The following NKAIN1 variants were observed in gnomAD, a reference collection of about 807,000 sequenced individuals.
NKAIN1 encodes sodium/potassium-transporting ATPase subunit beta-1-interacting protein 1.
NKAIN1 carries 13 observed loss-of-function variants against 31.6 expected under a neutral mutation model. The ratio of observed to expected loss-of-function variants is 0.41; its 90% CI spans 0.27 to 0.65. The LOEUF is 0.65. Among genes scored for constraint, NKAIN1 ranks in the 30% least tolerant of loss-of-function variants. The pLI is 0.30. For missense variants in NKAIN1, 193 were observed against 262.2 expected, an observed-to-expected ratio of 0.74 and a Z score of 1.82; for synonymous variants, 104 against 109.0, an observed-to-expected ratio of 0.95 and a Z score of 0.28.
rs146586855 is a variant in NKAIN1, at chr1:31,213,719, G to C, written c.55-25532C>G. Among the ~76,000 whole-genome samples, 28 of 152,310 alleles carry C rather than the reference G, an allele frequency of 1.8e-4. 2 individuals are homozygous for C. Among genetic ancestry groups the C allele is most frequent in the African/African-American group, 6.7e-4 (28 of 41,582 alleles). Reference sequence around the variant, plus strand: ...GATAAAAAATTGCAACACAAGTTGGGTGCAGTGGCTCACACCTGTAATCCC... The same window carrying C: ...GATAAAAAATTGCAACACAAGTTGGCTGCAGTGGCTCACACCTGTAATCCC... On this transcript the variant is annotated intron_variant, in intron 1 of 6. Coordinates refer to ENST00000373736, the MANE Select transcript of NKAIN1 (RefSeq NM_024522.3).
intron 1 of NKAIN1, among the ~76,000 whole-genome samples, chr1:31,236,000 G>T (rs1390367130): frequency 6.6e-6 from 1 of 152,134 alleles, no homozygotes; most frequent in Non-Finnish European, 1.5e-5. Context: ...AGTTTAATGA[G>T]TACTCACTCT....
At chr1:31,234,087 T>G (rs991236604) in intron 1 of NKAIN1, among the ~76,000 whole-genome samples, 2 of 152,208 alleles carry the variant, frequency 1.3e-5, no homozygotes, top group African/African-American at 4.8e-5. Flanking sequence ...TCTACCCTGC[T>G]CCGCCCATCT....
intron 2 of NKAIN1, among the ~76,000 whole-genome samples, chr1:31,186,715 T>C (rs764871206): frequency 5.9e-5 from 9 of 152,164 alleles, no homozygotes; most frequent in Non-Finnish European, 1.0e-4. Context: ...CTCCCTTCCT[T>C]GCTCTATAAA....
intron 5 of NKAIN1, 89 bp from the exon 6 acceptor site, chr1:31,182,030 G>T (rs1372561899): frequency 7.7e-7 from 1 of 1,293,448 alleles, no homozygotes; most frequent in African/African-American, 1.5e-5. Flanking sequence ...TCTGAGGGCA[G>T]GACTCCCACC....
chr1:31,181,604 C>T lies in NKAIN1; in HGVS notation c.*99G>A. 3 of 1,206,126 alleles carry T rather than the reference C, an allele frequency of 2.5e-6. No homozygotes were observed. Among genetic ancestry groups the T allele is most frequent in the South Asian group, 2.1e-5 (1 of 47,518 alleles). The allele number at this position is 1,206,126 out of a possible 1,614,324, so 74.7% of individuals were successfully genotyped here. A position where few individuals can be genotyped will look rare whatever the true frequency, so the allele number is the denominator to read the frequency against. On this transcript the variant is annotated 3_prime_UTR_variant, in exon 7 of 7. Coordinates refer to ENST00000373736, the MANE Select transcript of NKAIN1 (RefSeq NM_024522.3). Reference sequence around the variant, plus strand: ...GGGGTTGGGCACAGGCTGCAGTGAGCGCGCGGGCCACCAGGGGGACACGCC... The same window carrying T: ...GGGGTTGGGCACAGGCTGCAGTGAGTGCGCGGGCCACCAGGGGGACACGCC...
intron 1 of NKAIN1, among the ~76,000 whole-genome samples, chr1:31,213,031 C>T (rs1186157528): frequency 9.6e-6 from 1 of 103,650 alleles, no homozygotes; most frequent in Non-Finnish European, 2.1e-5. Context: ...AAATAAAAAG[C>T]TTTTTCTTTT....
intron 1 of NKAIN1, among the ~76,000 whole-genome samples, chr1:31,194,952 A>G (rs1570455753): frequency 6.7e-6 from 1 of 148,632 alleles, no homozygotes; most frequent in African/African-American, 2.5e-5. Context: ...TTGTATTTTC[A>G]GTAGAGATGG....
chr1:31,239,420 C>T lies in NKAIN1; in HGVS notation c.54+74G>A. 1 of 1,202,166 alleles carries T rather than the reference C, an allele frequency of 8.3e-7. No individual in the cohort carries two copies. The highest frequency in any genetic ancestry group is 1.1e-6 in the Non-Finnish European group (1 of 911,322). The allele number at this position is 1,202,166 out of a possible 1,614,324, so 74.5% of individuals were successfully genotyped here. Reference sequence around the variant, plus strand: ...ACACACACACAGAGACACACGCAACCCCACCCGCACGCCCTGGGACCGCGC... The same window carrying T: ...ACACACACACAGAGACACACGCAACTCCACCCGCACGCCCTGGGACCGCGC... On this transcript the variant is annotated intron_variant, in intron 1 of 6. Transcript: ENST00000373736. The surrounding 1 kb of genome is among the most constrained non-coding windows in gnomAD (Gnocchi z 4.8).
intron 1 of NKAIN1, among the ~76,000 whole-genome samples, chr1:31,224,282 T>C (rs1465626009): frequency 6.6e-6 from 1 of 152,014 alleles, no homozygotes; most frequent in Admixed American, 6.6e-5. Context: ...AGCCAAGGAG[T>C]TCAGAGTTCA....
At chr1:31,208,728 G>A (rs1405362351) in intron 1 of NKAIN1, among the ~76,000 whole-genome samples, 1 of 152,168 alleles carries the variant, frequency 6.6e-6, no homozygotes, top group African/African-American at 2.4e-5. Context: ...CGGACTTTGA[G>A]AGCGGTCAGC....
intron 2 of NKAIN1, among the ~76,000 whole-genome samples, chr1:31,186,065 A>ATT (rs1557649204): frequency 5.3e-5 from 8 of 150,412 alleles, no homozygotes; most frequent in African/African-American, 2.0e-4. Context: ...CCATATTTAA[A>ATT]AAAAAAAAAA....
chr1:31,218,049 T>TTTCA (rs1645529398), intron 1 of NKAIN1, among the ~76,000 whole-genome samples: 3 of 141,330 alleles, frequency 2.1e-5, no homozygotes, highest in African/African-American at 7.9e-5. Context: ...TCTTTCTTTC[T>TTTCA]TTCTTTCTTT....
intron 4 of NKAIN1, 101 bp downstream of exon 4, chr1:31,183,715 TG>T: frequency 1.6e-6 from 2 of 1,262,690 alleles, no homozygotes; most frequent in Non-Finnish European, 2.2e-6. Flanking sequence ...CCCAAAGTGC[TG>T]GGATTGCAGG....
At position 31,182,646 on chromosome 1, in the gene NKAIN1, G is replaced by A. The variant is rs192680735; in HGVS notation, c.472-56C>T. The stretch of plus-strand genomic sequence containing the variant: ...AGGAGGAGTGGGAACCTCTTCCTCC[G>A]CCCCCTGCCGGGCCCTGTACGCTCT... On this transcript the variant is annotated intron_variant, in intron 4 of 6. Transcript: ENST00000373736. 2.4e-4 allele frequency: 381 copies of A among 1,591,720 alleles called. 2 individuals carry two copies. The African/African-American group carries it at 2.9e-3, about 12-fold the overall frequency.
intron 1 of NKAIN1, among the ~76,000 whole-genome samples, chr1:31,232,810 C>G (rs1645664887): frequency 6.6e-6 from 1 of 152,062 alleles, no homozygotes; most frequent in South Asian, 2.1e-4. Context: ...TTCTCAAACC[C>G]TTTCCCCTTG....
chr1:31,192,776 C>T lies in NKAIN1; in HGVS notation c.55-4589G>A, dbSNP rs77185152. On this transcript the variant is annotated intron_variant, in intron 1 of 6. Transcript: ENST00000373736. ...CCTGTTGCCCAGCCTAGTCTCATAC[C>T]CTCCTGGGCTCATGTGGTCCACCCA... Among the ~76,000 whole-genome samples the T allele has an allele frequency of 4.2e-3, 638 of 151,960 alleles. 38 individuals are homozygous for T. In the East Asian group the frequency reaches 0.099, roughly 24 times the overall value.
At chr1:31,187,459 C>T (rs1408561171) in intron 2 of NKAIN1, among the ~76,000 whole-genome samples, 4 of 152,090 alleles carry the variant, frequency 2.6e-5, no homozygotes, top group Non-Finnish European at 5.9e-5. Flanking sequence ...CTAGCTGCTC[C>T]AGAACACATC....
rs1645676317 is a variant in NKAIN1 at position 31,233,982 on chromosome 1, A to G, written c.54+5512T>C. ...CCAGATCTCAGCGAAGCTGCCATTT[A>G]TGGGCTGCTTATTTAAAAACCATCC... On this transcript the variant is annotated intron_variant, in intron 1 of 6. Transcript: ENST00000373736. The surrounding 1 kb of genome is among the most constrained non-coding windows in gnomAD (Gnocchi z 4.0). 6.6e-6 allele frequency among the ~76,000 whole-genome samples: 1 copy of G among 152,222 alleles called. No individual in the cohort carries two copies. Among genetic ancestry groups the G allele is most frequent in the Non-Finnish European group, 1.5e-5 (1 of 68,048 alleles).
chr1:31,181,899 G>A lies in NKAIN1; in HGVS notation c.575C>T (p.Pro192Leu). ...GGFDSYGYQA[P>L]QKTSHLQLQP... The stretch of plus-strand genomic sequence containing the variant: ...CAGCTGTAAATGCGACGTCTTCTGG[G>A]GCGCCTGGTATCCGTAGGAGTCAAA... Residue 192 changes from proline to leucine, a missense_variant, in exon 6 of 7, where the codon CCC becomes CTC. Transcript: ENST00000373736. 1 of 1,608,424 alleles carries A rather than the reference G, an allele frequency of 6.2e-7. No homozygotes were observed. Among genetic ancestry groups the A allele is most frequent in the Non-Finnish European group, 8.5e-7 (1 of 1,178,146 alleles).
Sources: gnomAD v4.1 joint callset for allele counts (sites outside exome capture counted in the v4.1 genomes callset) on GRCh38, gnomAD v4.1.1 for gene constraint, Gnocchi (gnomAD v3.1) non-coding constraint, MANE v1.5 for transcripts, NCBI Gene and HGNC (gene_info 2026-07-23, HGNC 2026-07-21) for gene names.